The following DLC1 variants were observed in gnomAD, a reference collection of about 807,000 sequenced individuals.
The protein encoded by DLC1 is DLC1 Rho GTPase activating protein, also known as rho GTPase-activating protein 7.
DLC1 carries 54 observed loss-of-function variants against 140.3 expected under a neutral mutation model. The ratio of observed to expected loss-of-function variants is 0.38; its 90% CI spans 0.31 to 0.48. The LOEUF (loss-of-function observed/expected upper bound fraction) is 0.48, where lower values mean the gene tolerates loss of function less well. Ranked by LOEUF, DLC1 falls within the 20% of genes least tolerant of loss-of-function variation. DLC1 has a pLI of 0.96. For synonymous variants in DLC1, 986 were observed against 728.1 expected (o/e 1.35, Z -5.70); for missense variants, 2,536 against 1,907.0 (o/e 1.33, Z -6.14).
chr8:13,434,429 G>A (rs1383307191), intron 2 of DLC1, among the ~76,000 whole-genome samples: 1 of 152,064 alleles, frequency 6.6e-6, no homozygotes, highest in African/African-American at 2.4e-5. Flanking sequence ...TGTTTTCTTT[G>A]GAGCTGTAAA....
chr8:13,534,040 C>G (rs943474349), intron 1 of DLC1, among the ~76,000 whole-genome samples: 5 of 152,128 alleles, frequency 3.3e-5, no homozygotes. Flanking sequence ...CTAATACATG[C>G]TATGTCCAAA....
Position 13,088,567 on chromosome 8 carries a change from A to C in DLC1, c.4212T>G (p.Ile1404Met), listed in dbSNP as rs1485025279. 6.2e-7 allele frequency: 1 copy of C among 1,614,046 alleles called. No homozygotes were observed. The highest frequency in any genetic ancestry group is 2.2e-5 in the East Asian group (1 of 44,886). The change falls in exon 16 of 18, where the codon ATT becomes ATG. Residue 1404 changes from isoleucine (I) to methionine (M), a missense_variant. Coordinates refer to ENST00000276297, the MANE Select transcript of DLC1 (RefSeq NM_182643.3). The part of the protein sequence containing the change: ...VDLLDSKVIE[I>M]LDSQTEIYQY... ...GGTAAATTTCAGTTTGGCTGTCCAG[A>C]ATTTCGATCACTTTTGAATCCAACA...
chr8:13,181,640 T>C (rs1227184842), intron 5 of DLC1, among the ~76,000 whole-genome samples: 1 of 152,144 alleles, frequency 6.6e-6, no homozygotes. Flanking sequence ...TACAGCTTCA[T>C]CCATGTCCCT....
chr8:13,295,935 ATTCTTTGTTT>A (rs1369999120), intron 5 of DLC1, among the ~76,000 whole-genome samples: 2 of 85,604 alleles, frequency 2.3e-5, no homozygotes, highest in Non-Finnish European at 4.8e-5. Context: ...ATCAGATAAG[ATTCTTTGTTT>A]TTTTTTTTTT....
chr8:13,431,790 G>T (rs1361068362), intron 2 of DLC1, among the ~76,000 whole-genome samples: 1 of 152,086 alleles, frequency 6.6e-6, no homozygotes, highest in Non-Finnish European at 1.5e-5. Context: ...GGGGAAGTGG[G>T]GTGGCAAGTG....
At chr8:13,361,553 A>G (rs1835226995) in intron 4 of DLC1, among the ~76,000 whole-genome samples, 1 of 152,116 alleles carries the variant, frequency 6.6e-6, no homozygotes, top group Non-Finnish European at 1.5e-5. Context: ...GGGGTGAGCC[A>G]CCACGCCCTG....
chr8:13,156,925 G>A (rs538004839), intron 5 of DLC1, among the ~76,000 whole-genome samples: 19 of 152,292 alleles, frequency 1.2e-4, no homozygotes, highest in Non-Finnish European at 2.2e-4. Context: ...TTGCCTTTGT[G>A]ATTTTTTTTT....
intron 1 of DLC1, among the ~76,000 whole-genome samples, chr8:13,586,589 G>GCGCACACA (rs5889455): frequency 1.4e-5 from 2 of 142,950 alleles, no homozygotes; most frequent in Non-Finnish European, 3.0e-5. Flanking sequence ...AGATGCACAT[G>GCGCACACA]CACACACACA....
chr8:13,343,112 C>T (rs530049784), intron 4 of DLC1, among the ~76,000 whole-genome samples: 65 of 152,248 alleles, frequency 4.3e-4, no homozygotes, highest in African/African-American at 1.3e-3. Context: ...GTGAAACAGG[C>T]GCACTTGTGA....
chr8:13,451,317 A>G (rs55820651), intron 2 of DLC1, among the ~76,000 whole-genome samples: 3,653 of 152,182 alleles, frequency 0.024, 56 homozygotes, highest in Non-Finnish European at 0.034. Context: ...TCTTAATCAC[A>G]TACTGGAAAA....
At chr8:13,343,528 A>G (rs544570877) in intron 4 of DLC1, among the ~76,000 whole-genome samples, 7 of 152,364 alleles carry the variant, frequency 4.6e-5, no homozygotes, top group African/African-American at 1.4e-4. Context: ...GTACTATGCT[A>G]GGTAATTTGG....
chr8:13,216,821 A>G (rs1035596580), intron 5 of DLC1, among the ~76,000 whole-genome samples: 1 of 152,114 alleles, frequency 6.6e-6, no homozygotes, highest in African/African-American at 2.4e-5. Flanking sequence ...AATCAAAAAT[A>G]TCTCTAGACA....
intron 1 of DLC1, among the ~76,000 whole-genome samples, chr8:13,600,414 T>C (rs1316862065): frequency 6.6e-6 from 1 of 151,870 alleles, no homozygotes; most frequent in Non-Finnish European, 1.5e-5. Flanking sequence ...AAATGTATGG[T>C]TATTCGTGTT....
At chr8:13,586,748 AC>A (rs1338005374) in intron 1 of DLC1, among the ~76,000 whole-genome samples, 1 of 152,220 alleles carries the variant, frequency 6.6e-6, no homozygotes, top group East Asian at 1.9e-4. Context: ...CAGAATGTTG[AC>A]ATCAATCCAG....
At chr8:13,395,047 A>ATCTG (rs1836967651) in intron 3 of DLC1, among the ~76,000 whole-genome samples, 1 of 147,296 alleles carries the variant, frequency 6.8e-6, no homozygotes, top group Non-Finnish European at 1.5e-5. Context: ...CTATCTATCT[A>ATCTG]TCTATTAGGT....
chr8:13,397,636 C>G (rs1360299799), intron 3 of DLC1, among the ~76,000 whole-genome samples: 1 of 150,656 alleles, frequency 6.6e-6, no homozygotes, highest in Non-Finnish European at 1.5e-5. Flanking sequence ...CTAGACCAGC[C>G]TGGGCAATGT....
chr8:13,295,853 TAATAA>T (rs1304050448), intron 5 of DLC1, among the ~76,000 whole-genome samples: 2 of 150,208 alleles, frequency 1.3e-5, no homozygotes, highest in African/African-American at 2.4e-5. Flanking sequence ...TTCACATTAT[TAATAA>T]AATTAAACTG....
At chr8:13,235,228 T>C (rs894905247) in intron 5 of DLC1, among the ~76,000 whole-genome samples, 1 of 152,066 alleles carries the variant, frequency 6.6e-6, no homozygotes, top group Non-Finnish European at 1.5e-5. Context: ...CAGGTGAAAA[T>C]GAACTACCTA....
At chr8:13,191,014 A>T (rs1289429771) in intron 5 of DLC1, among the ~76,000 whole-genome samples, 1 of 151,750 alleles carries the variant, frequency 6.6e-6, no homozygotes, top group Non-Finnish European at 1.5e-5. Context: ...GGGGGATTAT[A>T]TTGGGGGTGA....
Sources: gnomAD v4.1 joint callset for allele counts (sites outside exome capture counted in the v4.1 genomes callset) on GRCh38, gnomAD v4.1.1 for gene constraint, MANE v1.5 for transcripts, NCBI Gene and HGNC (gene_info 2026-07-23, HGNC 2026-07-21) for gene names.